The following ARHGEF3 variants were observed in gnomAD, a reference collection of about 807,000 sequenced individuals.
ARHGEF3 encodes the protein 59.8 kDA protein.
In ARHGEF3, 28 loss-of-function variants were observed where a neutral mutation model predicts 63.2. The ratio of observed to expected loss-of-function variants is 0.44; its 90% CI spans 0.33 to 0.61. The LOEUF is 0.61. Ranked by LOEUF, ARHGEF3 falls within the 20% of genes least tolerant of loss-of-function variation. ARHGEF3 has a pLI of 0.03. For synonymous variants in ARHGEF3, 266 were observed against 254.2 expected (o/e 1.05, Z -0.44); for missense variants, 533 against 659.3 (o/e 0.81, Z 2.10).
At chr3:56,968,063 TATATATA>T (rs1470022815) in intron 2 of ARHGEF3, among the ~76,000 whole-genome samples, 2 of 27,384 alleles carry the variant, frequency 7.3e-5, no homozygotes, top group Admixed American at 8.0e-4. Context: ...ATATATATAA[TATATATA>T]ATATATTATA....
At chr3:56,741,031 A>C (rs1177427679) in intron 7 of ARHGEF3, among the ~76,000 whole-genome samples, 1 of 152,232 alleles carries the variant, frequency 6.6e-6, no homozygotes, top group African/African-American at 2.4e-5. Context: ...AAAAACAGAG[A>C]CAAAACAATG....
intron 4 of ARHGEF3, among the ~76,000 whole-genome samples, chr3:56,836,908 C>CA (rs2039131234): frequency 6.6e-6 from 1 of 152,054 alleles, no homozygotes; most frequent in Non-Finnish European, 1.5e-5. Flanking sequence ...GCCTGGGTAA[C>CA]AGAGTGAGAC....
At chr3:56,816,334 C>T (rs772025840) in intron 4 of ARHGEF3, among the ~76,000 whole-genome samples, 16 of 152,334 alleles carry the variant, frequency 1.1e-4, no homozygotes, top group Non-Finnish European at 1.6e-4. Context: ...AAAATACTTA[C>T]TTACATTAAT....
At chr3:56,931,992 A>G (rs1191077148) in intron 3 of ARHGEF3, among the ~76,000 whole-genome samples, 3 of 152,122 alleles carry the variant, frequency 2.0e-5, no homozygotes, top group African/African-American at 7.2e-5. Context: ...AAAGAAGACA[A>G]AATTCCTCCA....
At chr3:56,741,345 C>T (rs1174300059) in intron 7 of ARHGEF3, among the ~76,000 whole-genome samples, 1 of 151,310 alleles carries the variant, frequency 6.6e-6, no homozygotes, top group Non-Finnish European at 1.5e-5. Flanking sequence ...ACCACCATGC[C>T]CGGCTAATTT....
chr3:57,054,981 T>C lies in ARHGEF3; in HGVS notation c.-27-19805A>G, dbSNP rs569825709. 1.4e-4 allele frequency among the ~76,000 whole-genome samples: 22 copies of C among 152,182 alleles called. No individual in the cohort carries two copies. In the South Asian group the frequency reaches 4.6e-3, roughly 32 times the overall value. On this transcript the variant is annotated intron_variant, in intron 1 of 12. Transcript: ENST00000338458. ...TTTTTTTGTAAATAAAATTGTGTTGTCTATTTCCTATTGATTTGTAGAAGT... is the reference window on the plus strand; with the variant it reads ...TTTTTTTGTAAATAAAATTGTGTTGCCTATTTCCTATTGATTTGTAGAAGT...
intron 2 of ARHGEF3, among the ~76,000 whole-genome samples, chr3:56,770,650 C>A (rs915383085): frequency 3.3e-5 from 5 of 152,038 alleles, no homozygotes. Context: ...TGGCTGCTAA[C>A]TCTGCATACA....
At chr3:56,775,795 C>T (rs1446997364) in intron 1 of ARHGEF3, 5 of 316,844 alleles carry the variant, frequency 1.6e-5, no homozygotes, top group East Asian at 2.5e-4. Context: ...CACACACACG[C>T]GCAAGCACAC....
exon 2 of ARHGEF3, chr3:57,035,160 T>C (rs1206671937): frequency 2.6e-6 from 4 of 1,518,086 alleles, no homozygotes; most frequent in Non-Finnish European, 3.5e-6. Context: ...AGACTCAGTA[T>C]GGCAGGCTCA....
intron 1 of ARHGEF3, among the ~76,000 whole-genome samples, chr3:57,042,651 AATATATAT>A (rs71076013): frequency 0.014 from 681 of 48,590 alleles, 5 homozygotes; most frequent in Non-Finnish European, 0.019. Context: ...TATGTACATA[AATATATAT>A]ATATATATAT....
chr3:56,752,043 TC>T (rs1161398317), intron 4 of ARHGEF3, among the ~76,000 whole-genome samples: 1 of 152,038 alleles, frequency 6.6e-6, no homozygotes, highest in Non-Finnish European at 1.5e-5. Flanking sequence ...GTTTCTGATC[TC>T]ATGGAAAACT....
At chr3:56,773,572 C>T in intron 2 of ARHGEF3, 137 bp downstream of exon 2, 1 of 692,042 alleles carries the variant, frequency 1.4e-6, no homozygotes, top group Non-Finnish European at 2.2e-6. Context: ...TCCAAGTCCC[C>T]TCACTTGCAC....
rs139195135 is a variant in ARHGEF3 at position 56,931,646 on chromosome 3, G to A, written c.129+27177C>T. Among the ~76,000 whole-genome samples, 233 of 146,898 alleles carry A rather than the reference G, an allele frequency of 1.6e-3. 6 individuals are homozygous for A. The East Asian group carries it at 0.042, about 27-fold the overall frequency. Reference sequence around the variant, plus strand: ...AAAAAAACCAAATTTGCAATCTGTAGTTATCTGAGTTTCATAATTAAATTA... The same window carrying A: ...AAAAAAACCAAATTTGCAATCTGTAATTATCTGAGTTTCATAATTAAATTA... On this transcript the variant is annotated intron_variant, in intron 3 of 12. Transcript: ENST00000338458.
chr3:56,974,987 C>T lies in ARHGEF3; in HGVS notation c.63-16098G>A, dbSNP rs142709862. Among the ~76,000 whole-genome samples the T allele has an allele frequency of 4.6e-3, 707 of 152,258 alleles. 6 individuals carry two copies. The highest frequency in any genetic ancestry group is 0.016 in the African/African-American group (650 of 41,524). ...CCTTGTTTGAAATAAGACCAAAGCT[C>T]TCCACTGATGAGACGGATGTGGGAT... On this transcript the variant is annotated intron_variant, in intron 2 of 12. Transcript: ENST00000338458.
At chr3:56,758,916 A>G (rs1430812379) in intron 2 of ARHGEF3, among the ~76,000 whole-genome samples, 7 of 152,186 alleles carry the variant, frequency 4.6e-5, no homozygotes, top group African/African-American at 1.7e-4. Context: ...CTTCAAAATG[A>G]AAGTTTCCAC....
At chr3:56,962,903 C>T (rs1416096695) in intron 2 of ARHGEF3, among the ~76,000 whole-genome samples, 9 of 152,168 alleles carry the variant, frequency 5.9e-5, no homozygotes, top group Non-Finnish European at 1.5e-5. Flanking sequence ...CATGTGAAAA[C>T]AAATGTGACT....
chr3:56,911,721 T>C (rs1204721346), intron 3 of ARHGEF3, among the ~76,000 whole-genome samples: 3 of 152,060 alleles, frequency 2.0e-5, no homozygotes, highest in Non-Finnish European at 4.4e-5. Flanking sequence ...ATATGCTGCT[T>C]CCTTCCCTCC....
intron 4 of ARHGEF3, among the ~76,000 whole-genome samples, chr3:56,834,389 T>C (rs1433462428): frequency 6.6e-6 from 1 of 152,192 alleles, no homozygotes; most frequent in Non-Finnish European, 1.5e-5. Flanking sequence ...ACTAGAAGCA[T>C]ACTATATATC....
At chr3:56,964,652 C>A (rs1301773008) in intron 2 of ARHGEF3, among the ~76,000 whole-genome samples, 2 of 152,152 alleles carry the variant, frequency 1.3e-5, no homozygotes, top group African/African-American at 4.8e-5. Context: ...CCACCCTGTT[C>A]CCCTCCAAAA....
Sources: allele counts gnomAD v4.1 joint callset (sites outside exome capture counted in the v4.1 genomes callset), GRCh38; gene constraint gnomAD v4.1.1; transcripts MANE v1.5; gene names NCBI Gene and HGNC (gene_info 2026-07-23, HGNC 2026-07-21).